Variants in MYOZ2 observed in about 807,000 individuals in gnomAD.
The protein encoded by MYOZ2 is myozenin 2.
A neutral mutation model predicts 25.4 loss-of-function variants in MYOZ2; 19 were observed. The observed-to-expected ratio is 0.75, with a 90% confidence interval of 0.52 to 1.10. The LOEUF (loss-of-function observed/expected upper bound fraction) is 1.10, where lower values mean the gene tolerates loss of function less well. MYOZ2 is among the 50% of genes least tolerant of loss of function. MYOZ2 has a pLI of 0.00. For missense variants in MYOZ2, 270 were observed against 317.9 expected, an observed-to-expected ratio of 0.85 and a Z score of 1.15; for synonymous variants, 92 against 106.9, an observed-to-expected ratio of 0.86 and a Z score of 0.86.
chr4:119,173,220 G>C (rs1741982362), intron 5 of MYOZ2, among the ~76,000 whole-genome samples: 1 of 152,178 alleles, frequency 6.6e-6, no homozygotes, highest in African/African-American at 2.4e-5. Context: ...CTGTGAATCT[G>C]AATGAAACAG....
intron 2 of MYOZ2, among the ~76,000 whole-genome samples, chr4:119,141,396 T>C (rs912877689): frequency 6.6e-5 from 10 of 152,188 alleles, no homozygotes; most frequent in Non-Finnish European, 7.3e-5. Context: ...TTCTTTCTTT[T>C]TTTTGAGATG....
intron 5 of MYOZ2, among the ~76,000 whole-genome samples, chr4:119,170,885 T>A (rs1741933505): frequency 6.6e-6 from 1 of 152,040 alleles, no homozygotes; most frequent in Non-Finnish European, 1.5e-5. Flanking sequence ...CACATGATTG[T>A]AAAATAAAGA....
chr4:119,174,230 G>T (rs1223333889), intron 5 of MYOZ2, among the ~76,000 whole-genome samples: 1 of 152,252 alleles, frequency 6.6e-6, no homozygotes, highest in Non-Finnish European at 1.5e-5. Flanking sequence ...GGATCCTCTA[G>T]GTGAAGCCAG....
intron 4 of MYOZ2, among the ~76,000 whole-genome samples, chr4:119,161,447 A>G (rs2149224430): frequency 6.6e-6 from 1 of 152,232 alleles, no homozygotes; most frequent in Non-Finnish European, 1.5e-5. Flanking sequence ...ACATGAATAA[A>G]TAAGAGTATG....
intron 4 of MYOZ2, among the ~76,000 whole-genome samples, chr4:119,161,962 A>G (rs1578737063): frequency 1.3e-5 from 2 of 152,178 alleles, no homozygotes; most frequent in East Asian, 3.8e-4. Context: ...AAAATTGTCC[A>G]GTTTTTAAAG....
intron 4 of MYOZ2, among the ~76,000 whole-genome samples, chr4:119,160,272 A>G (rs1173673759): frequency 6.6e-6 from 1 of 151,948 alleles, no homozygotes; most frequent in Non-Finnish European, 1.5e-5. Context: ...CACAGATACT[A>G]TCTGAGCTCC....
At chr4:119,172,848 G>A (rs1238552362) in intron 5 of MYOZ2, among the ~76,000 whole-genome samples, 1 of 152,176 alleles carries the variant, frequency 6.6e-6, no homozygotes, top group Non-Finnish European at 1.5e-5. Flanking sequence ...GAAGCAAGAT[G>A]GAGTCAGGTA....
Position 119,164,211 on chromosome 4 carries a change from G to C in MYOZ2, c.377G>C (p.Gly126Ala). 1.2e-6 allele frequency: 2 copies of C among 1,613,558 alleles called. No homozygotes were observed. The highest frequency in any genetic ancestry group is 1.7e-5 in the Admixed American group (1 of 60,004). ...TTACTTTTGCTATATTTTTCCAAAG[G>C]ATATTCTGGACCACTGAAGGAAATT... ...SPPNPDNIAP[G>A]YSGPLKEIPP... Residue 126 changes from glycine (G) to alanine (A), a missense_variant and splice_region_variant, in exon 5 of 6, where the codon GGA becomes GCA. Physicochemically the swap from Gly to Ala is moderately conservative, Grantham distance 60 (BLOSUM62 0). Coordinates refer to ENST00000307128, the MANE Select transcript of MYOZ2 (RefSeq NM_016599.5).
intron 2 of MYOZ2, among the ~76,000 whole-genome samples, chr4:119,143,812 T>C (rs1458197517): frequency 2.0e-5 from 3 of 152,226 alleles, no homozygotes. Flanking sequence ...TAAGTAGATT[T>C]TTCCGACTGG....
intron 4 of MYOZ2, among the ~76,000 whole-genome samples, chr4:119,161,530 CAAG>C (rs1741710101): frequency 6.6e-6 from 1 of 151,844 alleles, no homozygotes. Context: ...AAAAATCAAA[CAAG>C]AAATGTAGAC....
intron 5 of MYOZ2, among the ~76,000 whole-genome samples, chr4:119,176,290 G>A (rs930973195): frequency 2.0e-5 from 3 of 151,020 alleles, no homozygotes; most frequent in Admixed American, 6.6e-5. Flanking sequence ...GTGTGATCTC[G>A]GCTCACTGCA....
chr4:119,152,869 G>T (rs1033508826), intron 3 of MYOZ2, among the ~76,000 whole-genome samples: 2 of 152,092 alleles, frequency 1.3e-5, no homozygotes, highest in African/African-American at 4.8e-5. Flanking sequence ...ATTCAAGGAA[G>T]TATGTTCATT....
intron 5 of MYOZ2, among the ~76,000 whole-genome samples, chr4:119,166,375 T>C (rs1378402523): frequency 6.6e-6 from 1 of 151,810 alleles, no homozygotes; most frequent in African/African-American, 2.4e-5. Context: ...GTTTGAGACC[T>C]GCCAGCACAA....
intron 5 of MYOZ2, among the ~76,000 whole-genome samples, chr4:119,175,058 A>G (rs1201009295): frequency 3.9e-5 from 6 of 152,062 alleles, no homozygotes; most frequent in Admixed American, 3.9e-4. Context: ...CAAACTCCAG[A>G]CACGCCACTT....
rs1207748073 is a variant in MYOZ2, at chr4:119,187,187, T to C, written c.*987T>C. ...GCAATGTAGCACATATCTATCGTAA[T>C]ATATGTAATATATTGACATAAAAGA... On this transcript the variant is annotated 3_prime_UTR_variant, in exon 6 of 6. Transcript: ENST00000307128. 1 of 152,196 alleles carries C rather than the reference T, an allele frequency of 6.6e-6. No individual in the cohort carries two copies. Among genetic ancestry groups the C allele is most frequent in the Non-Finnish European group, 1.5e-5 (1 of 68,032 alleles). 9.4% of individuals were successfully genotyped at this position (152,196 alleles called of 1,614,324 possible).
intron 2 of MYOZ2, among the ~76,000 whole-genome samples, chr4:119,138,724 T>G (rs1027099809): frequency 6.6e-6 from 1 of 152,156 alleles, no homozygotes. Context: ...GCATCAGAAT[T>G]TTTTTTCAGC....
At chr4:119,172,834 G>A (rs1289600335) in intron 5 of MYOZ2, among the ~76,000 whole-genome samples, 1 of 152,222 alleles carries the variant, frequency 6.6e-6, no homozygotes, top group Admixed American at 6.5e-5. Context: ...CAGCTTGGAG[G>A]TTAGAAGCAA....
intron 3 of MYOZ2, among the ~76,000 whole-genome samples, chr4:119,154,306 T>C (rs942765066): frequency 4.6e-5 from 7 of 152,178 alleles, no homozygotes; most frequent in Non-Finnish European, 8.8e-5. Flanking sequence ...TTGTTTTCTT[T>C]AGGGTCAACT....
Position 119,158,138 on chromosome 4 carries a change from C to T in MYOZ2, c.363C>T (p.Asp121=). The T allele has an allele frequency of 6.2e-7, 1 of 1,614,104 alleles. No homozygotes were observed. Among genetic ancestry groups the T allele is most frequent in the Non-Finnish European group, 8.5e-7 (1 of 1,179,992 alleles). Reference sequence around the variant, plus strand: ...ATCCACGAAGCCCTCCAAATCCAGACAACATTGCTCCAGGTAACCAATCCC... The same window carrying T: ...ATCCACGAAGCCCTCCAAATCCAGATAACATTGCTCCAGGTAACCAATCCC... The part of the protein sequence containing the change: ...TPDPRSPPNP[D]NIAPGYSGPL... The change falls in exon 4 of 6, where the codon GAC becomes GAT. Residue 121 remains aspartate (D), a synonymous_variant. Transcript: ENST00000307128.
Sources: gnomAD v4.1 joint callset for allele counts (sites outside exome capture counted in the v4.1 genomes callset) on GRCh38, gnomAD v4.1.1 for gene constraint, MANE v1.5 for transcripts, NCBI Gene and HGNC (gene_info 2026-07-23, HGNC 2026-07-21) for gene names.